FANCD2: variants seen among roughly 807,000 people sequenced by gnomAD.
FANCD2 encodes Fanconi anemia group D2 protein.
Under a neutral mutation model 192.3 loss-of-function variants are expected in FANCD2, and 131 were observed. The observed-to-expected ratio is 0.68, with a 90% CI of 0.59 to 0.79. The LOEUF (loss-of-function observed/expected upper bound fraction) is 0.79, where lower values mean the gene tolerates loss of function less well. Among genes scored for constraint, FANCD2 ranks in the 30% least tolerant of loss-of-function variants. The pLI is 0.00. For missense variants in FANCD2, 1,508 were observed against 1,701.6 expected (o/e 0.89, Z 2.00); for synonymous variants, 524 against 612.5 (o/e 0.86, Z 2.13).
chr3:10,027,607 A>G (rs922169755), intron 1 of FANCD2, among the ~76,000 whole-genome samples: 5 of 152,134 alleles, frequency 3.3e-5, no homozygotes, highest in African/African-American at 9.7e-5. Context: ...GTCCCTGCCT[A>G]AAAATCACTT....
At chr3:10,093,493 T>C (rs1171310605) in intron 39 of FANCD2, among the ~76,000 whole-genome samples, 170 bp downstream of exon 39, 2 of 152,210 alleles carry the variant, frequency 1.3e-5, no homozygotes, top group African/African-American at 2.4e-5. Flanking sequence ...AGTTGGATGA[T>C]TGGAGAAGCC....
At chr3:10,038,699 G>A (rs1200614398) in intron 7 of FANCD2, among the ~76,000 whole-genome samples, 1 of 151,000 alleles carries the variant, frequency 6.6e-6, no homozygotes, top group African/African-American at 2.4e-5. Flanking sequence ...TCCTGCCTCA[G>A]CCTCCCAAGT....
At chr3:10,028,153 C>A (rs952014035) in intron 1 of FANCD2, among the ~76,000 whole-genome samples, 3 of 151,954 alleles carry the variant, frequency 2.0e-5, no homozygotes, top group Admixed American at 2.0e-4. Context: ...CTAGTAAGCC[C>A]TCATAGAACC....
At chr3:10,084,743 A>T (rs1013038954) in intron 32 of FANCD2, among the ~76,000 whole-genome samples, 2 of 152,230 alleles carry the variant, frequency 1.3e-5, no homozygotes, top group Non-Finnish European at 2.9e-5. Context: ...GTGATCAGGA[A>T]GATGCTTCTA....
At chr3:10,026,828 T>TGATAATGGTTATCCGTATTAACCGA in intron 1 of FANCD2, among the ~76,000 whole-genome samples, 1 of 152,304 alleles carries the variant, frequency 6.6e-6, no homozygotes, top group Admixed American at 6.5e-5. Context: ...GCAAGATGGC[T>TGATAATGGTTATCCGTATTAACCGA]GATAATGGTT....
At chr3:10,075,255 C>T (rs35711405) in intron 29 of FANCD2, among the ~76,000 whole-genome samples, 29,563 of 151,604 alleles carry the variant, frequency 0.2, 3,323 homozygotes, top group African/African-American at 0.31. Context: ...CGGATCTCCA[C>T]TCACTGCAAG....
chr3:10,065,269 A>G, intron 23 of FANCD2, 125 bp from the exon 24 acceptor site: 1 of 744,544 alleles, frequency 1.3e-6, no homozygotes, highest in Non-Finnish European at 2.4e-6. Flanking sequence ...AGACTGGGCG[A>G]CAGAGCAAGA....
At chr3:10,093,832 C>G (rs1378316006) in intron 39 of FANCD2, among the ~76,000 whole-genome samples, 1 of 152,214 alleles carries the variant, frequency 6.6e-6, no homozygotes, top group African/African-American at 2.4e-5. Flanking sequence ...GTGCCCCATT[C>G]TTGTCATCTC....
At chr3:10,058,087 C>T (rs2087465270) in intron 18 of FANCD2, 3 of 499,520 alleles carry the variant, frequency 6.0e-6, no homozygotes, top group Middle Eastern at 3.5e-4. Flanking sequence ...TCTCCAAATA[C>T]TCCATCAGTG....
rs1223055462 is a variant in FANCD2, at chr3:10,043,143, C to G, written c.982C>G (p.Arg328Gly). The change falls in exon 12 of 44, where the codon CGA becomes GGA. Residue 328 changes from arginine (R) to glycine (G), a missense_variant. Transcript: ENST00000675286. Reference sequence around the variant, plus strand: ...CCAAGTAAAGTTGAAAAGTAAAGGACGAGCAAGGTAAAGAGCTCATCCTCA... The same window carrying G: ...CCAAGTAAAGTTGAAAAGTAAAGGAGGAGCAAGGTAAAGAGCTCATCCTCA... ...ASQVKLKSKG[R>G]ASSSGNQESS... The G allele has an allele frequency of 5.6e-6, 9 of 1,613,500 alleles. No homozygotes were observed. Among genetic ancestry groups the G allele is most frequent in the Non-Finnish European group, 7.6e-6 (9 of 1,179,536 alleles).
chr3:10,037,232 A>T (rs867505738), intron 7 of FANCD2, among the ~76,000 whole-genome samples: 1 of 152,206 alleles, frequency 6.6e-6, no homozygotes. Flanking sequence ...AGAACATCAA[A>T]TATTTAAAAA....
At chr3:10,060,676 C>T (rs1185689326) in intron 19 of FANCD2, among the ~76,000 whole-genome samples, 1 of 152,158 alleles carries the variant, frequency 6.6e-6, no homozygotes, top group Non-Finnish European at 1.5e-5. Flanking sequence ...AAAATGGGAA[C>T]CCTGATTCTT....
At chr3:10,052,050 A>G (rs1575767834) in intron 17 of FANCD2, among the ~76,000 whole-genome samples, 1 of 152,202 alleles carries the variant, frequency 6.6e-6, no homozygotes, top group East Asian at 1.9e-4. Context: ...TGGGAGGTGC[A>G]TTAGAATGAC....
intron 6 of FANCD2, among the ~76,000 whole-genome samples, chr3:10,035,679 C>T (rs973390170): frequency 2.0e-5 from 3 of 152,110 alleles, no homozygotes; most frequent in Non-Finnish European, 4.4e-5. Context: ...CAGAAAACTT[C>T]CCTCCACCCC....
intron 40 of FANCD2, chr3:10,094,788 C>T (rs1478767790): frequency 6.4e-6 from 2 of 310,884 alleles, no homozygotes; most frequent in Non-Finnish European, 1.2e-5. Flanking sequence ...CCAATGGCAT[C>T]CAGGGCTAGA....
At chr3:10,097,177 A>G (rs1345096244) in intron 42 of FANCD2, among the ~76,000 whole-genome samples, 2 of 152,256 alleles carry the variant, frequency 1.3e-5, no homozygotes, top group African/African-American at 4.8e-5. Context: ...GCAGGGTGAG[A>G]TCACATGACC....
At chr3:10,089,040 T>C (rs1362388723) in intron 36 of FANCD2, 90 bp downstream of exon 36, 1 of 1,457,948 alleles carries the variant, frequency 6.9e-7, no homozygotes, top group Non-Finnish European at 9.5e-7. Context: ...CCCAGCACTT[T>C]GGGAGGCTGA....
rs1290238910 is a variant in FANCD2, at chr3:10,069,905, G to A, written c.2494+2588G>A. Among the ~76,000 whole-genome samples, 10 of 151,624 alleles carry A rather than the reference G, an allele frequency of 6.6e-5. 1 individual carries two copies. The South Asian group carries it at 8.4e-4, about 13-fold the overall frequency. ...CCACCCCGTCTGGGAAGTGAGGAGC[G>A]TCTCTGCCTGGCCGCCCATCGTCTG... On this transcript the variant is annotated intron_variant, in intron 26 of 43. Coordinates refer to ENST00000675286, the MANE Select transcript of FANCD2 (RefSeq NM_001018115.3).
chr3:10,070,787 T>A (rs375877292), intron 26 of FANCD2, among the ~76,000 whole-genome samples: 5 of 147,696 alleles, frequency 3.4e-5, no homozygotes, highest in African/African-American at 1.3e-4. Flanking sequence ...TGTACTAAGA[T>A]AAATTCTTCT....
Sources: allele counts gnomAD v4.1 joint callset (sites outside exome capture counted in the v4.1 genomes callset), GRCh38; gene constraint gnomAD v4.1.1; transcripts MANE v1.5; gene names NCBI Gene and HGNC (gene_info 2026-07-23, HGNC 2026-07-21).